GINS1: variants seen among roughly 807,000 people sequenced by gnomAD.
GINS1 encodes the protein DNA replication complex GINS protein PSF1.
GINS1 carries 26 observed loss-of-function variants against 34.9 expected under a neutral mutation model. The ratio of observed to expected loss-of-function variants is 0.74; its 90% CI spans 0.55 to 1.03. The LOEUF is 1.03. Among genes scored for constraint, GINS1 ranks in the 50% least tolerant of loss-of-function variants. GINS1 has a pLI of 0.00. For synonymous variants in GINS1, 97 were observed against 84.4 expected, an observed-to-expected ratio of 1.15 and a Z score of -0.82; for missense variants, 235 against 237.9, an observed-to-expected ratio of 0.99 and a Z score of 0.08.
chr20:25,430,238 G>A (rs928203947), intron 5 of GINS1, among the ~76,000 whole-genome samples: 1 of 152,110 alleles, frequency 6.6e-6, no homozygotes, highest in African/African-American at 2.4e-5. Context: ...CATTGAATAT[G>A]ATGTTTGCTG....
At chr20:25,430,295 T>G (rs991495165) in intron 5 of GINS1, among the ~76,000 whole-genome samples, 10 of 152,250 alleles carry the variant, frequency 6.6e-5, no homozygotes, top group Admixed American at 2.0e-4. Flanking sequence ...ATAGTTATCT[T>G]CTGTTCCTAG....
chr20:25,420,815 A>AAAAGGAAT (rs1393060075), intron 4 of GINS1: 3 of 946,414 alleles, frequency 3.2e-6, no homozygotes. Flanking sequence ...GAAAAAGAAT[A>AAAAGGAAT]AAAGGAATAT....
intron 4 of GINS1, among the ~76,000 whole-genome samples, chr20:25,418,823 CT>C (rs1274571889): frequency 2.6e-5 from 4 of 152,194 alleles, no homozygotes; most frequent in Non-Finnish European, 5.9e-5. Flanking sequence ...GATTAAATTG[CT>C]GGCCCTGTGA....
chr20:25,410,763 A>C (rs2090279526), intron 1 of GINS1, among the ~76,000 whole-genome samples: 1 of 151,776 alleles, frequency 6.6e-6, no homozygotes, highest in Non-Finnish European at 1.5e-5. Flanking sequence ...GGGTTTCACT[A>C]TTTTGGCCGG....
intron 4 of GINS1, among the ~76,000 whole-genome samples, chr20:25,419,347 A>G (rs2090340542): frequency 6.6e-6 from 1 of 151,794 alleles, no homozygotes; most frequent in African/African-American, 2.4e-5. Flanking sequence ...CTTAAAGAAA[A>G]AAAAAAAACA....
intron 2 of GINS1, among the ~76,000 whole-genome samples, chr20:25,415,685 C>CA (rs370801254): frequency 0.052 from 2,527 of 48,608 alleles, 53 homozygotes; most frequent in African/African-American, 0.089. Context: ...AACTCCATCT[C>CA]AAAAAAAAAA....
In GINS1 at chr20:25,419,350, A is replaced by AC. The variant is rs150442264; in HGVS notation, c.330+1155_330+1156insC. 8.9e-3 allele frequency among the ~76,000 whole-genome samples: 1,359 copies of AC among 152,044 alleles called. 16 individuals are homozygous for AC. Among genetic ancestry groups the AC allele is most frequent in the African/African-American group, 0.031 (1,286 of 41,464 alleles). ...TGTATCCCAGAACTTAAAGAAAAAA[A>AC]AAAAACAAATATTCAATGTGTTTGC... On this transcript the variant is annotated intron_variant, in intron 4 of 6. Transcript: ENST00000262460.
intron 4 of GINS1, chr20:25,419,651 AT>A: frequency 1.3e-6 from 1 of 741,860 alleles, no homozygotes; most frequent in Non-Finnish European, 1.8e-6. Context: ...CTCATACAAT[AT>A]TTTAGATTAA....
intron 4 of GINS1, among the ~76,000 whole-genome samples, chr20:25,423,924 G>T (rs576945206): frequency 3.3e-5 from 5 of 151,954 alleles, no homozygotes; most frequent in Non-Finnish European, 7.4e-5. Context: ...TTTTTTCTAT[G>T]TAATCTTTTA....
At chr20:25,411,959 T>A (rs1334448307) in intron 1 of GINS1, among the ~76,000 whole-genome samples, 1 of 150,222 alleles carries the variant, frequency 6.7e-6, no homozygotes, top group African/African-American at 2.4e-5. Flanking sequence ...AAAAAAAAAT[T>A]AGCTGGGCAT....
At position 25,425,262 on chromosome 20, in the gene GINS1, C is replaced by A. The variant is rs759079120; in HGVS notation, c.382C>A (p.Leu128Met). The change falls in exon 5 of 7, where the codon CTG becomes ATG. Residue 128 changes from leucine to methionine, a missense_variant. Transcript: ENST00000262460. ...ATCTCTTGCTACTTATATGAGGTCA[C>A]TGGGAGGAGATGAAGGTTTGGACAT... Reference protein sequence around the residue: ...KRSLATYMRSLGGDEGLDITQ... With the variant: ...KRSLATYMRSMGGDEGLDITQ... 1.9e-6 allele frequency: 3 copies of A among 1,572,816 alleles called. No individual in the cohort carries two copies. In the East Asian group the frequency reaches 6.7e-5, roughly 35 times the overall value.
In GINS1 at chr20:25,428,969, CTTTTT is replaced by C. The variant is rs77113924; in HGVS notation, c.447+3675_447+3679del. 5.5e-5 allele frequency among the ~76,000 whole-genome samples: 7 copies of C among 127,512 alleles called. 1 individual carries two copies. The highest frequency in any genetic ancestry group is 1.4e-4 in the African/African-American group (5 of 34,622). 83.7% of individuals were successfully genotyped at this position (127,512 alleles called of 152,430 possible). A position where few individuals can be genotyped will look rare whatever the true frequency, so the allele number is the denominator to read the frequency against. On this transcript the variant is annotated intron_variant, in intron 5 of 6. Transcript: ENST00000262460. ...GGGTCCTCCACCTTCATTCCTCTCTCTTTTTTTTTTTTTTTTTTTTTTTTTTTTTT... is the reference window on the plus strand; with the variant it reads ...GGGTCCTCCACCTTCATTCCTCTCTCTTTTTTTTTTTTTTTTTTTTTTTTT...
chr20:25,446,991 T>C lies in GINS1; in HGVS notation c.*1000T>C, dbSNP rs1174203033. ...CTAGAAGTGTTATAATTTTAAGCTT[T>C]ATACTTTGGTCTATGACCCGTTTTT... On this transcript the variant is annotated 3_prime_UTR_variant, in exon 7 of 7. Coordinates refer to ENST00000262460, the MANE Select transcript of GINS1 (RefSeq NM_021067.5). The C allele has an allele frequency of 6.6e-6, 1 of 152,160 alleles. No individual in the cohort carries two copies. Among genetic ancestry groups the C allele is most frequent in the African/African-American group, 2.4e-5 (1 of 41,446 alleles). The allele number at this position is 152,160 out of a possible 1,614,324, so 9.4% of individuals were successfully genotyped here. A position where few individuals can be genotyped will look rare whatever the true frequency, so the allele number is the denominator to read the frequency against.
At position 25,441,731 on chromosome 20, in the gene GINS1, T is replaced by G. The variant is rs754273692; in HGVS notation, c.477T>G (p.Phe159Leu). The G allele has an allele frequency of 1.3e-6, 2 of 1,569,688 alleles. No homozygotes were observed. The highest frequency in any genetic ancestry group is 2.7e-5 in the African/African-American group (2 of 73,568). ...EVRCLKDYGEFEVDDGTSVLL... is the reference protein window; with the variant it reads ...EVRCLKDYGELEVDDGTSVLL... ...GGTGTCTAAAAGACTATGGAGAATT[T>G]GAAGTTGATGATGGCACTTCAGTCC... is the stretch of plus-strand genomic sequence containing the variant. The change falls in exon 6 of 7, where the codon TTT becomes TTG. Residue 159 changes from phenylalanine to leucine, a missense_variant. By Grantham distance (22) the Phe-to-Leu change is conservative (BLOSUM62 0). Transcript: ENST00000262460.
chr20:25,434,561 C>G (rs953820542), intron 5 of GINS1, among the ~76,000 whole-genome samples: 3 of 152,082 alleles, frequency 2.0e-5, no homozygotes, highest in Non-Finnish European at 2.9e-5. Context: ...AATCTCCTGC[C>G]TCGGCCTCCT....
At chr20:25,433,355 A>ACC (rs1374077209) in intron 5 of GINS1, among the ~76,000 whole-genome samples, 2 of 151,556 alleles carry the variant, frequency 1.3e-5, no homozygotes. Flanking sequence ...TTTCCTCATT[A>ACC]CCCCCCACAG....
At chr20:25,423,933 T>C (rs923133965) in intron 4 of GINS1, among the ~76,000 whole-genome samples, 5 of 152,132 alleles carry the variant, frequency 3.3e-5, no homozygotes, top group Non-Finnish European at 7.4e-5. Context: ...TGTAATCTTT[T>C]AGGAGCTATA....
chr20:25,422,545 T>C lies in GINS1; in HGVS notation c.331-2666T>C, dbSNP rs370925472. On this transcript the variant is annotated intron_variant, in intron 4 of 6. Transcript: ENST00000262460. Reference sequence around the variant, plus strand: ...GGTAGAGGTTGTAGTAAGCTGAGATTGCGCCACTGCACTCCAGCCTGGGTG... The same window carrying C: ...GGTAGAGGTTGTAGTAAGCTGAGATCGCGCCACTGCACTCCAGCCTGGGTG... Among the ~76,000 whole-genome samples the C allele has an allele frequency of 3.3e-5, 5 of 152,124 alleles. No homozygotes were observed. The East Asian group carries it at 5.8e-4, about 18-fold the overall frequency.
At chr20:25,445,636 T>A (rs2090507942) in intron 6 of GINS1, among the ~76,000 whole-genome samples, 2 of 152,160 alleles carry the variant, frequency 1.3e-5, no homozygotes, top group African/African-American at 4.8e-5. Context: ...CGTGATCCAC[T>A]GCCCCTGGGC....
Sources: gnomAD v4.1 joint callset for allele counts (sites outside exome capture counted in the v4.1 genomes callset) on GRCh38, gnomAD v4.1.1 for gene constraint, MANE v1.5 for transcripts, NCBI Gene and HGNC (gene_info 2026-07-23, HGNC 2026-07-21) for gene names.